The following NBAS variants were observed in gnomAD, a reference collection of about 807,000 sequenced individuals.
The protein encoded by NBAS is NBAS subunit of NRZ tethering complex.
Under a neutral mutation model 302.5 loss-of-function variants are expected in NBAS, and 219 were observed. The observed-to-expected ratio is 0.72, with a 90% CI of 0.65 to 0.81. The LOEUF (loss-of-function observed/expected upper bound fraction) is 0.81, where lower values mean the gene tolerates loss of function less well. Ranked by LOEUF, NBAS falls within the 30% of genes least tolerant of loss-of-function variation. The pLI is 0.00. For missense variants in NBAS, 2,932 were observed against 2,841.6 expected (o/e 1.03, Z -0.72); for synonymous variants, 1,118 against 1,021.6 (o/e 1.09, Z -1.80).
the NBAS span, among the ~76,000 whole-genome samples, chr2:14,968,139 T>C: frequency 5.3e-5 from 8 of 152,242 alleles, no homozygotes; most frequent in Admixed American, 2.6e-4. Context: ...AAGCTTTTCA[T>C]ACCCTCTTGA....
At chr2:14,817,350 T>C in the NBAS span, among the ~76,000 whole-genome samples, 1 of 152,222 alleles carries the variant, frequency 6.6e-6, no homozygotes, top group Admixed American at 6.5e-5. Flanking sequence ...AACTCTGAGA[T>C]GCCCATTACA....
At chr2:15,385,900 G>A (rs959854445) in intron 28 of NBAS, among the ~76,000 whole-genome samples, 2 of 152,166 alleles carry the variant, frequency 1.3e-5, no homozygotes, top group Admixed American at 1.3e-4. Context: ...GGGGGGTTGG[G>A]GGAGATGGGG....
At chr2:14,791,919 A>G in the NBAS span, among the ~76,000 whole-genome samples, 1 of 152,154 alleles carries the variant, frequency 6.6e-6, no homozygotes, top group African/African-American at 2.4e-5. Flanking sequence ...TCCCGAAAAC[A>G]TCTTGGTTTC....
chr2:15,007,584 G>C, the NBAS span, among the ~76,000 whole-genome samples: 1 of 152,022 alleles, frequency 6.6e-6, no homozygotes, highest in African/African-American at 2.4e-5. Context: ...TAGTGTAAAG[G>C]TCCCTGTTAA....
chr2:15,314,259 CG>C (rs2148178858), intron 38 of NBAS, among the ~76,000 whole-genome samples: 1 of 152,104 alleles, frequency 6.6e-6, no homozygotes, highest in East Asian at 1.9e-4. Context: ...AGGAGGCTGA[CG>C]CATGAGAATT....
At chr2:15,061,982 C>T in the NBAS span, among the ~76,000 whole-genome samples, 4 of 152,138 alleles carry the variant, frequency 2.6e-5, no homozygotes, top group Non-Finnish European at 4.4e-5. Flanking sequence ...ATCCTCAGCC[C>T]TTCCAAGATG....
chr2:14,889,182 T>A, the NBAS span, among the ~76,000 whole-genome samples: 1 of 152,212 alleles, frequency 6.6e-6, no homozygotes, highest in Non-Finnish European at 1.5e-5. Context: ...TAATGTGTTT[T>A]GATGGTGATT....
chr2:15,388,615 G>T (rs1172124550), intron 28 of NBAS, among the ~76,000 whole-genome samples: 1 of 152,072 alleles, frequency 6.6e-6, no homozygotes, highest in Non-Finnish European at 1.5e-5. Flanking sequence ...CTATGACTCA[G>T]CAGTTCCACT....
rs1380212070 is a variant in NBAS at position 15,323,055 on chromosome 2, C to A, written c.4582+4695G>T. On this transcript the variant is annotated intron_variant, in intron 38 of 51. Coordinates refer to ENST00000281513, the MANE Select transcript of NBAS (RefSeq NM_015909.4). ...GAAATTTTTAACTCCTTAGTAGACT[C>A]AGATTCTTTCTGTGGTGAAATATTA... 5.3e-5 allele frequency among the ~76,000 whole-genome samples: 8 copies of A among 152,284 alleles called. No homozygotes were observed. The South Asian group carries it at 1.7e-3, about 32-fold the overall frequency.
At chr2:14,825,246 C>A in the NBAS span, among the ~76,000 whole-genome samples, 1 of 152,160 alleles carries the variant, frequency 6.6e-6, no homozygotes, top group African/African-American at 2.4e-5. Context: ...TGGCCACCTG[C>A]AGGTGCAACT....
intron 44 of NBAS, among the ~76,000 whole-genome samples, chr2:15,247,698 A>ATC (rs1668159759): frequency 1.4e-5 from 2 of 146,676 alleles, no homozygotes; most frequent in Admixed American, 7.0e-5. Flanking sequence ...ATATCTATAT[A>ATC]TCTCTCTATA....
chr2:15,202,038 GA>G (rs1161251767), intron 48 of NBAS, among the ~76,000 whole-genome samples: 1 of 152,222 alleles, frequency 6.6e-6, no homozygotes, highest in East Asian at 1.9e-4. Context: ...GTAGGAAAAT[GA>G]GTGCCTGTTT....
the NBAS span, among the ~76,000 whole-genome samples, chr2:14,805,489 G>A: frequency 1.3e-4 from 20 of 152,288 alleles, no homozygotes; most frequent in African/African-American, 4.8e-4. Context: ...ATAGGTTAGT[G>A]ATATGGCCTA....
intron 40 of NBAS, among the ~76,000 whole-genome samples, chr2:15,304,192 G>C (rs1037383820): frequency 2.0e-5 from 3 of 152,144 alleles, no homozygotes; most frequent in Non-Finnish European, 4.4e-5. Context: ...CCCCCATGCC[G>C]TTCTGGTGGT....
chr2:14,883,941 C>T, the NBAS span, among the ~76,000 whole-genome samples: 1 of 150,334 alleles, frequency 6.7e-6, no homozygotes, highest in Non-Finnish European at 1.5e-5. Context: ...CACTGTACTC[C>T]AGCCTCAGTG....
the NBAS span, among the ~76,000 whole-genome samples, chr2:14,835,500 G>A: frequency 9.2e-5 from 14 of 151,712 alleles, no homozygotes; most frequent in Admixed American, 9.2e-4. Context: ...TTGATTTTAT[G>A]GTAATAACAT....
At chr2:15,269,173 C>T (rs189016535) in intron 44 of NBAS, among the ~76,000 whole-genome samples, 34 of 152,118 alleles carry the variant, frequency 2.2e-4, no homozygotes, top group African/African-American at 7.5e-4. Context: ...GAGAGGAACA[C>T]GGGGCTTCAG....
the NBAS span, among the ~76,000 whole-genome samples, chr2:14,995,558 C>A: frequency 1.3e-5 from 2 of 152,182 alleles, no homozygotes; most frequent in African/African-American, 4.8e-5. Flanking sequence ...ATAGGCTTCC[C>A]CATTCCGTCC....
At chr2:15,245,981 T>C (rs1377807265) in intron 44 of NBAS, among the ~76,000 whole-genome samples, 1 of 152,206 alleles carries the variant, frequency 6.6e-6, no homozygotes, top group Non-Finnish European at 1.5e-5. Flanking sequence ...TTCTGATCTC[T>C]GATTTATAAT....
Sources: gnomAD v4.1 joint callset for allele counts (sites outside exome capture counted in the v4.1 genomes callset) on GRCh38, gnomAD v4.1.1 for gene constraint, MANE v1.5 for transcripts, NCBI Gene and HGNC (gene_info 2026-07-23, HGNC 2026-07-21) for gene names.